XPO4: variants seen among roughly 807,000 people sequenced by gnomAD.
XPO4 encodes the protein exportin 4.
Under a neutral mutation model 143.0 loss-of-function variants are expected in XPO4, and 39 were observed. The ratio of observed to expected loss-of-function variants is 0.27; its 90% CI spans 0.21 to 0.36. The LOEUF (loss-of-function observed/expected upper bound fraction) is 0.36, where lower values mean the gene tolerates loss of function less well. Among genes scored for constraint, XPO4 ranks in the 10% least tolerant of loss-of-function variants. XPO4 has a pLI of 1.00. For missense variants in XPO4, 907 were observed against 1,348.0 expected (o/e 0.67, Z 5.12); for synonymous variants, 439 against 474.0 (o/e 0.93, Z 0.96).
chr13:20,824,098 C>A (rs145445730), intron 7 of XPO4, among the ~76,000 whole-genome samples: 1 of 152,212 alleles, frequency 6.6e-6, no homozygotes, highest in East Asian at 1.9e-4. Flanking sequence ...TACTATCTGG[C>A]CCTATACAAA....
intron 1 of XPO4, among the ~76,000 whole-genome samples, chr13:20,895,404 G>A (rs930634998): frequency 4.6e-5 from 7 of 152,048 alleles, no homozygotes; most frequent in African/African-American, 1.7e-4. Context: ...GGCTGAAGCT[G>A]GCAGATCACC....
In XPO4 at chr13:20,779,051, A is replaced by AT. The variant is rs1186708416; in HGVS notation, c.*4670dup. 1 of 152,186 alleles carries AT rather than the reference A, an allele frequency of 6.6e-6. No homozygotes were observed. The highest frequency in any genetic ancestry group is 1.5e-5 in the Non-Finnish European group (1 of 68,038). The allele number at this position is 152,186 out of a possible 1,614,324, so 9.4% of individuals were successfully genotyped here. On this transcript the variant is annotated 3_prime_UTR_variant, in exon 23 of 23. Transcript: ENST00000255305. ...AAACTAAATGCAATTTTATACCTTC[A>AT]TTAGTTATGTTAATAGAGGTAAATA...
At position 20,780,633 on chromosome 13, in the gene XPO4, A is replaced by G. The variant is rs940198694; in HGVS notation, c.*3089T>C. ...AATTAGATACACAGTTTACAACGAA[A>G]TAAGACTAAATTCTTAAAATTAGTT... On this transcript the variant is annotated 3_prime_UTR_variant, in exon 23 of 23. Coordinates refer to ENST00000255305, the MANE Select transcript of XPO4 (RefSeq NM_022459.5). 1.8e-4 allele frequency: 28 copies of G among 152,342 alleles called. No individual in the cohort carries two copies. The highest frequency in any genetic ancestry group is 6.7e-4 in the African/African-American group (28 of 41,574). The allele number at this position is 152,342 out of a possible 1,614,324, so 9.4% of individuals were successfully genotyped here.
At position 20,848,944 on chromosome 13, in the gene XPO4, A is replaced by C. The variant is rs1007933966; in HGVS notation, c.457-5058T>G. 9.1e-6 allele frequency: 9 copies of C among 985,320 alleles called. No individual in the cohort carries two copies. In the African/African-American group the frequency reaches 1.6e-4, roughly 17 times the overall value. 61.0% of individuals were successfully genotyped at this position (985,320 alleles called of 1,614,324 possible). ...AAGTTAATTCACTGGCTAACAATTT[A>C]AGTAACTCTTATCTTCACATTGAAA... On this transcript the variant is annotated intron_variant, in intron 4 of 22. Coordinates refer to ENST00000255305, the MANE Select transcript of XPO4 (RefSeq NM_022459.5).
At chr13:20,864,024 A>G (rs573077699) in intron 2 of XPO4, among the ~76,000 whole-genome samples, 6 of 152,212 alleles carry the variant, frequency 3.9e-5, no homozygotes, top group Non-Finnish European at 7.3e-5. Context: ...TTTTGATCAT[A>G]CCAAAACCAC....
chr13:20,861,215 T>C (rs1185348134), intron 3 of XPO4, among the ~76,000 whole-genome samples: 1 of 151,878 alleles, frequency 6.6e-6, no homozygotes. Flanking sequence ...TTGTCTATTC[T>C]TAAAAGAATA....
intron 13 of XPO4, among the ~76,000 whole-genome samples, chr13:20,801,326 T>A (rs1393548773): frequency 6.6e-6 from 1 of 152,216 alleles, no homozygotes; most frequent in Non-Finnish European, 1.5e-5. Flanking sequence ...AAATTAAATC[T>A]TCAGAGTACA....
chr13:20,834,856 G>A (rs9509391), intron 6 of XPO4, among the ~76,000 whole-genome samples: 55,256 of 151,920 alleles, frequency 0.36, 11,462 homozygotes, highest in Non-Finnish European at 0.48. Context: ...AGCTACTTGG[G>A]AGGCTGAGGC....
In XPO4 at chr13:20,781,210, A is replaced by T. The variant is rs1394032411; in HGVS notation, c.*2512T>A. 6.6e-6 allele frequency: 1 copy of T among 152,256 alleles called. No individual in the cohort carries two copies. 9.4% of individuals were successfully genotyped at this position (152,256 alleles called of 1,614,324 possible). A position where few individuals can be genotyped will look rare whatever the true frequency, so the allele number is the denominator to read the frequency against. ...CTTGAATTAAGCCAGTGTTCTTGAC[A>T]CCCACTGGGCCAAGAGCATTAAAAC... On this transcript the variant is annotated 3_prime_UTR_variant, in exon 23 of 23. Coordinates refer to ENST00000255305, the MANE Select transcript of XPO4 (RefSeq NM_022459.5).
intron 13 of XPO4, among the ~76,000 whole-genome samples, chr13:20,802,820 T>C (rs910717514): frequency 6.6e-6 from 1 of 152,200 alleles, no homozygotes; most frequent in African/African-American, 2.4e-5. Context: ...CATAAGACCA[T>C]TAAGTGTTTA....
chr13:20,861,878 T>TCC, intron 3 of XPO4, among the ~76,000 whole-genome samples: 1 of 139,514 alleles, frequency 7.2e-6, no homozygotes, highest in East Asian at 2.3e-4. Context: ...AACCTCTGCC[T>TCC]CCCAGGTTAA....
At chr13:20,865,397 A>G in intron 2 of XPO4, 1 of 930,860 alleles carries the variant, frequency 1.1e-6, no homozygotes, top group Non-Finnish European at 1.3e-6. Flanking sequence ...TCAGCCTCCC[A>G]AAGTGCTGGG....
At chr13:20,848,582 C>T (rs1034516667) in intron 4 of XPO4, 1 of 985,142 alleles carries the variant, frequency 1.0e-6, no homozygotes, top group African/African-American at 1.7e-5. Flanking sequence ...TATTCTATTC[C>T]TTGATGATGA....
chr13:20,862,009 G>C (rs1451657510), intron 3 of XPO4, among the ~76,000 whole-genome samples: 1 of 151,882 alleles, frequency 6.6e-6, no homozygotes, highest in Non-Finnish European at 1.5e-5. Context: ...GGATCGTCTT[G>C]ATCTCTTGAC....
intron 2 of XPO4, among the ~76,000 whole-genome samples, chr13:20,863,997 AGAC>A (rs2138125570): frequency 6.6e-6 from 1 of 152,342 alleles, no homozygotes; most frequent in South Asian, 2.1e-4. Flanking sequence ...CTATCGTATT[AGAC>A]TACTACACAG....
At chr13:20,865,643 TTAA>T (rs1427085343) in intron 2 of XPO4, 1 of 941,876 alleles carries the variant, frequency 1.1e-6, no homozygotes, top group African/African-American at 1.8e-5. Context: ...AAAGTTAAAG[TTAA>T]TAATACAGGA....
intron 6 of XPO4, among the ~76,000 whole-genome samples, chr13:20,835,928 C>T (rs74036456): frequency 0.021 from 3,126 of 152,232 alleles, 84 homozygotes; most frequent in Middle Eastern, 0.075. Context: ...TTAATGAACA[C>T]TAAATATCAT....
rs1177777789 is a variant in XPO4 at position 20,778,305 on chromosome 13, A to C, written c.*5417T>G. Reference sequence around the variant, plus strand: ...TCTTTATCCACCTTTGGAGTGGAATAAATCTCAATATAAGCTAAATAACAA... The same window carrying C: ...TCTTTATCCACCTTTGGAGTGGAATCAATCTCAATATAAGCTAAATAACAA... On this transcript the variant is annotated 3_prime_UTR_variant, in exon 23 of 23. Transcript: ENST00000255305. 6.6e-6 allele frequency: 1 copy of C among 152,218 alleles called. No homozygotes were observed. The highest frequency in any genetic ancestry group is 1.5e-5 in the Non-Finnish European group (1 of 68,024). The allele number at this position is 152,218 out of a possible 1,614,324, so 9.4% of individuals were successfully genotyped here. A position where few individuals can be genotyped will look rare whatever the true frequency, so the allele number is the denominator to read the frequency against.
At chr13:20,813,691 C>G (rs1262247469) in intron 9 of XPO4, among the ~76,000 whole-genome samples, 4 of 152,144 alleles carry the variant, frequency 2.6e-5, no homozygotes, top group Non-Finnish European at 4.4e-5. Flanking sequence ...GGCATGGTGG[C>G]TCATGCCTGT....
Sources: allele counts gnomAD v4.1 joint callset (sites outside exome capture counted in the v4.1 genomes callset), GRCh38; gene constraint gnomAD v4.1.1; transcripts MANE v1.5; gene names NCBI Gene and HGNC (gene_info 2026-07-23, HGNC 2026-07-21).